CAPZB: variants seen among roughly 807,000 people sequenced by gnomAD.
CAPZB encodes F-actin-capping protein subunit beta.
A neutral mutation model predicts 38.1 loss-of-function variants in CAPZB; 2 were observed. That is an observed-to-expected ratio of 0.05 (90% CI 0.02 to 0.17). The LOEUF (loss-of-function observed/expected upper bound fraction) is 0.17. Among genes scored for constraint, CAPZB ranks in the 10% least tolerant of loss-of-function variants. The pLI is 1.00. For synonymous variants in CAPZB, 107 were observed against 127.4 expected (o/e 0.84, Z 1.08); for missense variants, 161 against 334.2 (o/e 0.48, Z 4.04).
At chr1:19,354,899 C>T (rs214342) in intron 6 of CAPZB, among the ~76,000 whole-genome samples, 34,507 of 152,032 alleles carry the variant, frequency 0.23, 4,039 homozygotes, top group Admixed American at 0.25. Context: ...TTTGGCTGTT[C>T]CTCCCTAGCC....
In CAPZB at chr1:19,485,508, T is replaced by C. The variant is rs2100837798; in HGVS notation, c.-70A>G. The C allele has an allele frequency of 5.8e-6, 7 of 1,205,100 alleles. No individual in the cohort carries two copies. Among genetic ancestry groups the C allele is most frequent in the Non-Finnish European group, 7.2e-6 (7 of 965,894 alleles). 74.7% of individuals were successfully genotyped at this position (1,205,100 alleles called of 1,614,324 possible). The stretch of plus-strand genomic sequence containing the variant: ...TCCCCCCCGCAGCAGGGCCCGGCGC[T>C]TCCACTTCCCCGGGTGCCCAGGAGT... On this transcript the variant is annotated 5_prime_UTR_variant, in exon 1 of 9. Coordinates refer to ENST00000264202, the MANE Select transcript of CAPZB (RefSeq NM_004930.5).
intron 1 of CAPZB, among the ~76,000 whole-genome samples, chr1:19,430,064 T>C (rs1259894718): frequency 6.6e-6 from 1 of 152,106 alleles, no homozygotes; most frequent in Non-Finnish European, 1.5e-5. Context: ...CATCAAGAAA[T>C]ATTTCCACCA....
Position 19,344,093 on chromosome 1 carries a change from G to A in CAPZB, c.731+265C>T, listed in dbSNP as rs1479040801. ...CAAACTGCAGGGCTGAGGAGGCTCC[G>A]GGGGCAAGGGCACCAATGGCTGTTA... On this transcript the variant is annotated intron_variant, in intron 8 of 8. Coordinates refer to ENST00000264202, the MANE Select transcript of CAPZB (RefSeq NM_004930.5). 3.9e-5 allele frequency among the ~76,000 whole-genome samples: 6 copies of A among 152,302 alleles called. No homozygotes were observed. In the South Asian group the frequency reaches 8.3e-4, roughly 21 times the overall value.
intron 1 of CAPZB, among the ~76,000 whole-genome samples, chr1:19,444,971 A>C (rs1224115531): frequency 6.6e-6 from 1 of 152,018 alleles, no homozygotes; most frequent in Non-Finnish European, 1.5e-5. Context: ...TTGAACTCCT[A>C]ATCTCCAGTG....
intron 6 of CAPZB, among the ~76,000 whole-genome samples, chr1:19,346,597 G>C (rs1461335064): frequency 1.3e-5 from 2 of 151,952 alleles, no homozygotes; most frequent in East Asian, 1.9e-4. Flanking sequence ...TGTCTCAGAG[G>C]GTACGGGCTC....
intron 2 of CAPZB, among the ~76,000 whole-genome samples, chr1:19,407,296 T>C (rs1164897261): frequency 6.6e-6 from 1 of 152,082 alleles, no homozygotes; most frequent in African/African-American, 2.4e-5. Context: ...GGGTCATGAA[T>C]AGGTAGCAGC....
rs77277069 is a variant in CAPZB, at chr1:19,410,786, T to C, written c.93+8875A>G. ...TTGGCAGGACATTTAAGAAATGGCA[T>C]ACTATAATATTTTCATTTGTAAGGC... On this transcript the variant is annotated intron_variant, in intron 2 of 8. Coordinates refer to ENST00000264202, the MANE Select transcript of CAPZB (RefSeq NM_004930.5). Among the ~76,000 whole-genome samples, 771 of 152,326 alleles carry C rather than the reference T, an allele frequency of 5.1e-3. 7 individuals carry two copies. Among genetic ancestry groups the C allele is most frequent in the African/African-American group, 0.018 (732 of 41,570 alleles).
intron 1 of CAPZB, among the ~76,000 whole-genome samples, chr1:19,467,896 C>T (rs1195232383): frequency 1.3e-5 from 2 of 152,184 alleles, no homozygotes; most frequent in East Asian, 1.9e-4. Flanking sequence ...ACTGCAGGGC[C>T]GCAGAGCTCT....
intron 8 of CAPZB, among the ~76,000 whole-genome samples, chr1:19,340,833 T>C (rs1449834386): frequency 6.6e-6 from 1 of 152,182 alleles, no homozygotes; most frequent in African/African-American, 2.4e-5. Context: ...TTCCTAAATG[T>C]AGGTTTTATA....
intron 1 of CAPZB, among the ~76,000 whole-genome samples, chr1:19,463,478 A>C (rs2094558821): frequency 6.6e-6 from 1 of 152,214 alleles, no homozygotes; most frequent in Admixed American, 6.5e-5. Flanking sequence ...TTTACAGTTA[A>C]ATTTTGGCAT....
At chr1:19,485,292 G>C in intron 1 of CAPZB, 144 bp downstream of exon 1, 3 of 494,270 alleles carry the variant, frequency 6.1e-6, no homozygotes, top group Non-Finnish European at 9.5e-6. Flanking sequence ...TGGGCGGGGA[G>C]GGACCGGGTC....
At chr1:19,448,674 T>A (rs1352344083) in intron 1 of CAPZB, among the ~76,000 whole-genome samples, 1 of 152,226 alleles carries the variant, frequency 6.6e-6, no homozygotes, top group African/African-American at 2.4e-5. Flanking sequence ...CAAAAAGTTG[T>A]CACCTAGCCA....
chr1:19,391,930 C>G (rs929457963), intron 2 of CAPZB, among the ~76,000 whole-genome samples: 3 of 152,162 alleles, frequency 2.0e-5, no homozygotes, highest in Non-Finnish European at 2.9e-5. Context: ...CGCCTGTAAC[C>G]AGCACTTTGG....
At chr1:19,369,860 T>A (rs1234747524) in intron 4 of CAPZB, among the ~76,000 whole-genome samples, 1 of 152,082 alleles carries the variant, frequency 6.6e-6, no homozygotes, top group Non-Finnish European at 1.5e-5. Context: ...GGGCTCTGAG[T>A]CCGCAGGCCT....
At chr1:19,468,577 C>T (rs2094576080) in intron 1 of CAPZB, among the ~76,000 whole-genome samples, 1 of 151,994 alleles carries the variant, frequency 6.6e-6, no homozygotes, top group Admixed American at 6.6e-5. Context: ...CGGAGCAGGG[C>T]AGGGCAGAGC....
intron 8 of CAPZB, among the ~76,000 whole-genome samples, chr1:19,340,630 A>G (rs1018385473): frequency 5.2e-4 from 79 of 152,154 alleles, no homozygotes; most frequent in African/African-American, 1.9e-3. Flanking sequence ...CCAGGAGTTC[A>G]AGACCAGCCT....
chr1:19,435,676 C>A (rs1398977250), intron 1 of CAPZB, among the ~76,000 whole-genome samples: 1 of 152,176 alleles, frequency 6.6e-6, no homozygotes. Flanking sequence ...CAGTATCAGT[C>A]TCAGATGCAG....
intron 1 of CAPZB, among the ~76,000 whole-genome samples, chr1:19,448,518 T>G (rs1257811900): frequency 6.6e-6 from 1 of 152,200 alleles, no homozygotes; most frequent in Non-Finnish European, 1.5e-5. Flanking sequence ...CTGGTTGCAG[T>G]TGGGGCACTG....
chr1:19,430,055 A>T (rs2094437118), intron 1 of CAPZB, among the ~76,000 whole-genome samples: 3 of 152,188 alleles, frequency 2.0e-5, no homozygotes, highest in Non-Finnish European at 2.9e-5. Flanking sequence ...CCAGGACAGC[A>T]TCAAGAAATA....
Sources: allele counts gnomAD v4.1 joint callset (sites outside exome capture counted in the v4.1 genomes callset), GRCh38; gene constraint gnomAD v4.1.1; transcripts MANE v1.5; gene names NCBI Gene and HGNC (gene_info 2026-07-23, HGNC 2026-07-21).